The following CARS1 variants were observed in gnomAD, a reference collection of about 807,000 sequenced individuals.
The protein encoded by CARS1 is cysteine--tRNA ligase, cytoplasmic.
In CARS1, 48 loss-of-function variants were observed where a neutral mutation model predicts 106.2. The observed-to-expected ratio is 0.45, with a 90% confidence interval of 0.36 to 0.57. The LOEUF is 0.57. CARS1 is among the 20% of genes least tolerant of loss of function. The pLI, the probability that CARS1 is intolerant of heterozygous loss-of-function variation, is 0.00. For synonymous variants in CARS1, 409 were observed against 403.4 expected (o/e 1.01, Z -0.17); for missense variants, 968 against 1,057.2 (o/e 0.92, Z 1.17).
chr11:3,052,299 T>C lies in CARS1; in HGVS notation c.26-4298A>G, dbSNP rs560800552. 2.0e-5 allele frequency among the ~76,000 whole-genome samples: 3 copies of C among 152,302 alleles called. No individual in the cohort carries two copies. Among genetic ancestry groups the C allele is most frequent in the South Asian group, 4.1e-4 (2 of 4,826 alleles). ...TAAAACACGCTCATAACATCAGCCC[T>C]GTAAAGCTGCAGGCCATTAAGTCAA... On this transcript the variant is annotated intron_variant, in intron 1 of 22. Coordinates refer to ENST00000380525, the MANE Select transcript of CARS1 (RefSeq NM_001014437.3). The surrounding 1 kb of genome is among the most constrained non-coding windows in gnomAD (Gnocchi z 4.6).
rs920234399 is a variant in CARS1 at position 3,037,778 on chromosome 11, A to G, written c.801+272T>C. 6.6e-6 allele frequency among the ~76,000 whole-genome samples: 1 copy of G among 151,992 alleles called. No individual in the cohort carries two copies. The highest frequency in any genetic ancestry group is 2.4e-5 in the African/African-American group (1 of 41,372). ...CACGTTCCAAGTGCACCTCCTGCCT[A>G]TCTGATGGAAGTGGTGGGAGGGTGT... On this transcript the variant is annotated intron_variant, in intron 7 of 22. Transcript: ENST00000380525. This position sits in a 1 kb window ranked among gnomAD's most constrained non-coding sequence, Gnocchi z 5.9.
At position 3,038,258 on chromosome 11, in the gene CARS1, T is replaced by C; in HGVS notation, c.652-59A>G. 1 of 1,488,252 alleles carries C rather than the reference T, an allele frequency of 6.7e-7. No individual in the cohort carries two copies. The highest frequency in any genetic ancestry group is 9.3e-7 in the Non-Finnish European group (1 of 1,071,758). The allele number at this position is 1,488,252 out of a possible 1,614,324, so 92.2% of individuals were successfully genotyped here. On this transcript the variant is annotated intron_variant, in intron 6 of 22. Coordinates refer to ENST00000380525, the MANE Select transcript of CARS1 (RefSeq NM_001014437.3). This position sits in a 1 kb window ranked among gnomAD's most constrained non-coding sequence, Gnocchi z 4.0. ...TACTGCTCAGCAAAACCTAAATTCA[T>C]AAAGGTGATTCCAGGTAGAAAACAG...
Position 3,041,057 on chromosome 11 carries a change from AC to A in CARS1, c.367-74del, listed in dbSNP as rs1348702243. ...CTGCACAGGATTACCAAAAACAGCA[AC>A]AAACATCACAGTGTGGTTTGTGTTT... On this transcript the variant is annotated intron_variant, in intron 3 of 22. Coordinates refer to ENST00000380525, the MANE Select transcript of CARS1 (RefSeq NM_001014437.3). This position sits in a 1 kb window ranked among gnomAD's most constrained non-coding sequence, Gnocchi z 4.9. 1 of 1,611,316 alleles carries A rather than the reference AC, an allele frequency of 6.2e-7. No individual in the cohort carries two copies. The highest frequency in any genetic ancestry group is 8.5e-7 in the Non-Finnish European group (1 of 1,178,288).
chr11:3,047,951 G>C lies in CARS1; in HGVS notation c.76C>G (p.Gln26Glu). 21 of 1,614,112 alleles carry C rather than the reference G, an allele frequency of 1.3e-5. No homozygotes were observed. Among genetic ancestry groups the C allele is most frequent in the Non-Finnish European group, 1.8e-5 (21 of 1,179,998 alleles). ...LSISDEAARA[Q>E]ALNEHLSTRS... ...GTGCTGAGGTGCTCGTTCAGGGCTT[G>C]TGCCCTGGCTGCCTCGTCACTAATG... Residue 26 changes from glutamine to glutamate, a missense_variant, in exon 2 of 23, where the codon CAA becomes GAA. Transcript: ENST00000380525.
rs1005626990 is a variant in CARS1, at chr11:3,038,591, C to T, written c.652-392G>A. ...GGCCTCACTGACCTAAAAGATTGCT[C>T]AGCTCTAATTTTATTCCTGTTTTTA... On this transcript the variant is annotated intron_variant, in intron 6 of 22. Coordinates refer to ENST00000380525, the MANE Select transcript of CARS1 (RefSeq NM_001014437.3). The surrounding 1 kb of genome is among the most constrained non-coding windows in gnomAD (Gnocchi z 4.0). 2.0e-5 allele frequency among the ~76,000 whole-genome samples: 3 copies of T among 152,194 alleles called. No homozygotes were observed. The highest frequency in any genetic ancestry group is 1.9e-4 in the East Asian group (1 of 5,200).
rs1371510477 is a variant in CARS1 at position 3,018,648 on chromosome 11, G to A, written c.1497C>T (p.Thr499=). 3 of 1,614,230 alleles carry A rather than the reference G, an allele frequency of 1.9e-6. No individual in the cohort carries two copies. The highest frequency in any genetic ancestry group is 2.2e-5 in the East Asian group (1 of 44,890). Residue 499 remains threonine (T), a synonymous_variant, in exon 13 of 23, where the codon ACC becomes ACT. Transcript: ENST00000380525. ...KMSKSLKNFI[T]IKDALKKHSA... ...AGTGCTTTTTCAAGGCATCTTTAAT[G>A]GTGATGAAGTTTTTTAGTGACTTTG...
intron 7 of CARS1, among the ~76,000 whole-genome samples, chr11:3,035,587 G>A (rs1853509742): frequency 6.6e-6 from 1 of 152,184 alleles, no homozygotes; most frequent in Admixed American, 6.5e-5. Flanking sequence ...CTGGGCTCAG[G>A]TGATTGTCTC....
intron 9 of CARS1, chr11:3,027,670 T>A: frequency 3.8e-6 from 1 of 262,678 alleles, no homozygotes; most frequent in South Asian, 3.7e-5. Context: ...CATACAGAGA[T>A]AGCAGCTGAG....
At chr11:3,026,560 T>C in intron 10 of CARS1, 116 bp downstream of exon 10, 1 of 1,078,050 alleles carries the variant, frequency 9.3e-7, no homozygotes, top group South Asian at 1.7e-5. Context: ...GAAAAAGCAC[T>C]GTTCCCAAGA....
Position 3,019,966 on chromosome 11 carries a change from T to C in CARS1, c.1266+254A>G, listed in dbSNP as rs1851421697. On this transcript the variant is annotated intron_variant, in intron 11 of 22. Transcript: ENST00000380525. This position sits in a 1 kb window ranked among gnomAD's most constrained non-coding sequence, Gnocchi z 6.2. ...AAGAACCAAGAAGCCTCCATGGACG[T>C]CTACTCTGATCACATCTCCACTTAC... Among the ~76,000 whole-genome samples the C allele has an allele frequency of 6.6e-6, 1 of 152,170 alleles. No individual in the cohort carries two copies. The highest frequency in any genetic ancestry group is 6.5e-5 in the Admixed American group (1 of 15,280).
intron 17 of CARS1, among the ~76,000 whole-genome samples, chr11:3,014,683 T>C (rs577457820): frequency 5.3e-5 from 8 of 152,352 alleles, no homozygotes; most frequent in African/African-American, 1.7e-4. Flanking sequence ...AAGGTTCATA[T>C]CAGGAAGTCT....
intron 7 of CARS1, among the ~76,000 whole-genome samples, chr11:3,032,060 C>CTCCTTCCTTCCTTCCT (rs1217924867): frequency 4.0e-4 from 8 of 20,058 alleles, no homozygotes; most frequent in Admixed American, 7.4e-4. Flanking sequence ...CCCTCCCTCC[C>CTCCTTCCTTCCTTCCT]TCCTTCCTTC....
chr11:3,002,375 G>T, intron 21 of CARS1, 166 bp downstream of exon 21: 1 of 1,332,830 alleles, frequency 7.5e-7, no homozygotes. Flanking sequence ...CCCCATGTGA[G>T]AAGGGCCTGG....
chr11:3,051,295 G>T (rs1237607515), intron 1 of CARS1, among the ~76,000 whole-genome samples: 1 of 152,224 alleles, frequency 6.6e-6, no homozygotes, highest in Non-Finnish European at 1.5e-5. Context: ...CCCACTGAAG[G>T]CGCCTGGGGG....
chr11:3,053,379 C>T lies in CARS1; in HGVS notation c.25+3964G>A, dbSNP rs547557654. 1.3e-5 allele frequency among the ~76,000 whole-genome samples: 2 copies of T among 151,926 alleles called. No homozygotes were observed. The highest frequency in any genetic ancestry group is 2.4e-5 in the African/African-American group (1 of 41,358). ...CCGAGTAGCTGGGATTACAGGTGCC[C>T]GCCACCATGCCCAGCTAATTTTTGT... On this transcript the variant is annotated intron_variant, in intron 1 of 22. Transcript: ENST00000380525. This position sits in a 1 kb window ranked among gnomAD's most constrained non-coding sequence, Gnocchi z 6.6.
rs1189133059 is a variant in CARS1 at position 3,039,545 on chromosome 11, C to T, written c.553-253G>A. Among the ~76,000 whole-genome samples the T allele has an allele frequency of 6.6e-6, 1 of 152,194 alleles. No individual in the cohort carries two copies. Among genetic ancestry groups the T allele is most frequent in the East Asian group, 1.9e-4 (1 of 5,190 alleles). The stretch of plus-strand genomic sequence containing the variant: ...TGAGCCCTGGGGGCCCCAGCTTCCC[C>T]TGCAAGCCACATGTCGAAGTGCGTG... On this transcript the variant is annotated intron_variant, in intron 5 of 22. Transcript: ENST00000380525. This position sits in a 1 kb window ranked among gnomAD's most constrained non-coding sequence, Gnocchi z 5.6.
At position 3,029,260 on chromosome 11, in the gene CARS1, C is replaced by A. The variant is rs369227399; in HGVS notation, c.942+43G>T. On this transcript the variant is annotated intron_variant, in intron 8 of 22. Coordinates refer to ENST00000380525, the MANE Select transcript of CARS1 (RefSeq NM_001014437.3). This position sits in a 1 kb window ranked among gnomAD's most constrained non-coding sequence, Gnocchi z 5.9. Reference sequence around the variant, plus strand: ...AAAACAGGAATTTAGAAATCAGGGCCCTTAGCGCAAGAGAGCCAGCACAAG... The same window carrying A: ...AAAACAGGAATTTAGAAATCAGGGCACTTAGCGCAAGAGAGCCAGCACAAG... 1.4e-5 allele frequency: 23 copies of A among 1,603,058 alleles called. No individual in the cohort carries two copies. Among genetic ancestry groups the A allele is most frequent in the African/African-American group, 2.7e-5 (2 of 74,570 alleles).
intron 1 of CARS1, among the ~76,000 whole-genome samples, chr11:3,049,332 G>A (rs6578317): frequency 0.92 from 139,798 of 152,212 alleles, 64,228 homozygotes; most frequent in Admixed American, 0.94. Context: ...GGCAGGGAAC[G>A]CAGCTCCTTC....
At chr11:3,012,361 A>G (rs1850565980) in intron 17 of CARS1, 85 bp from the exon 18 acceptor site, 1 of 1,206,748 alleles carries the variant, frequency 8.3e-7, no homozygotes, top group Non-Finnish European at 1.2e-6. Flanking sequence ...GCCGCGACAC[A>G]GGGCAGGGAC....
Sources: allele counts gnomAD v4.1 joint callset (sites outside exome capture counted in the v4.1 genomes callset), GRCh38; gene constraint gnomAD v4.1.1; non-coding constraint Gnocchi (gnomAD v3.1); transcripts MANE v1.5; gene names NCBI Gene and HGNC (gene_info 2026-07-23, HGNC 2026-07-21).